The following ITFG1 variants were observed in gnomAD, a reference collection of about 807,000 sequenced individuals.
The protein encoded by ITFG1 is integrin alpha FG-GAP repeat containing 1.
ITFG1 carries 34 observed loss-of-function variants against 81.8 expected under a neutral mutation model. The ratio of observed to expected loss-of-function variants is 0.42; its 90% confidence interval spans 0.32 to 0.55. The LOEUF (loss-of-function observed/expected upper bound fraction) is 0.55. Ranked by LOEUF, ITFG1 falls within the 20% of genes least tolerant of loss-of-function variation. ITFG1 has a pLI of 0.17. For missense variants in ITFG1, 672 were observed against 755.4 expected, an observed-to-expected ratio of 0.89 and a Z score of 1.29; for synonymous variants, 285 against 270.6, an observed-to-expected ratio of 1.05 and a Z score of -0.52.
intron 10 of ITFG1, among the ~76,000 whole-genome samples, chr16:47,306,761 T>C (rs1967165959): frequency 6.6e-6 from 1 of 151,948 alleles, no homozygotes; most frequent in Non-Finnish European, 1.5e-5. Context: ...TTTGAACCTC[T>C]ACAATACTAA....
At chr16:47,448,500 T>A (rs966810565) in intron 5 of ITFG1, 1 of 152,116 alleles carries the variant, frequency 6.6e-6, no homozygotes, top group Non-Finnish European at 1.5e-5. Context: ...ATGTAAACAG[T>A]GTACGGCAAA....
chr16:47,411,161 T>C (rs908604482), intron 6 of ITFG1, among the ~76,000 whole-genome samples: 1 of 152,170 alleles, frequency 6.6e-6, no homozygotes, highest in Non-Finnish European at 1.5e-5. Flanking sequence ...TGGCTGGCAC[T>C]TGAATGGAGG....
intron 6 of ITFG1, among the ~76,000 whole-genome samples, chr16:47,387,740 C>A (rs961336772): frequency 2.6e-5 from 4 of 152,104 alleles, no homozygotes; most frequent in Admixed American, 1.3e-4. Flanking sequence ...GAAGACTGTG[C>A]ATACTTTTTC....
At chr16:47,250,666 ACCTT>A in intron 12 of ITFG1, among the ~76,000 whole-genome samples, 1 of 152,332 alleles carries the variant, frequency 6.6e-6, no homozygotes, top group Middle Eastern at 3.4e-3. Flanking sequence ...CATATTATTT[ACCTT>A]CCTTAATTCC....
chr16:47,346,051 A>T (rs1172875805), intron 8 of ITFG1, among the ~76,000 whole-genome samples: 1 of 152,174 alleles, frequency 6.6e-6, no homozygotes, highest in Non-Finnish European at 1.5e-5. Context: ...CTTTCCATCC[A>T]ATGGCAGCAA....
chr16:47,287,151 C>T (rs1966872670), intron 10 of ITFG1, among the ~76,000 whole-genome samples: 1 of 152,122 alleles, frequency 6.6e-6, no homozygotes, highest in Admixed American at 6.5e-5. Context: ...GACCCGAAGA[C>T]CATTCTAACT....
intron 6 of ITFG1, among the ~76,000 whole-genome samples, chr16:47,407,389 T>G (rs547909445): frequency 1.3e-5 from 2 of 152,336 alleles, no homozygotes; most frequent in South Asian, 4.1e-4. Flanking sequence ...TCTTCCTCTG[T>G]CACTCAGGCT....
chr16:47,251,910 T>C (rs1166117747), intron 12 of ITFG1, among the ~76,000 whole-genome samples: 2 of 152,214 alleles, frequency 1.3e-5, no homozygotes, highest in Non-Finnish European at 1.5e-5. Context: ...CAGTTGACTA[T>C]GGGTAACTAA....
chr16:47,440,518 C>T (rs1204142669), intron 5 of ITFG1, among the ~76,000 whole-genome samples: 2 of 152,148 alleles, frequency 1.3e-5, no homozygotes, highest in South Asian at 2.1e-4. Flanking sequence ...AACTAGAACT[C>T]AGGATTAAGA....
chr16:47,303,172 G>A (rs1967103481), intron 10 of ITFG1, among the ~76,000 whole-genome samples: 1 of 152,104 alleles, frequency 6.6e-6, no homozygotes. Context: ...TCTGGAGGCT[G>A]AGGCAGGAGA....
At chr16:47,421,785 C>T (rs748550071) in intron 6 of ITFG1, among the ~76,000 whole-genome samples, 11 of 152,198 alleles carry the variant, frequency 7.2e-5, no homozygotes, top group Admixed American at 2.6e-4. Context: ...CCCATCAACT[C>T]GTCATTTACA....
intron 10 of ITFG1, among the ~76,000 whole-genome samples, chr16:47,286,470 T>C (rs1158432075): frequency 6.6e-6 from 1 of 151,990 alleles, no homozygotes; most frequent in Non-Finnish European, 1.5e-5. Context: ...TGAAACCCCA[T>C]CTCTACTAAA....
At chr16:47,434,098 T>C (rs1420645727) in intron 5 of ITFG1, among the ~76,000 whole-genome samples, 1 of 150,978 alleles carries the variant, frequency 6.6e-6, no homozygotes, top group Non-Finnish European at 1.5e-5. Context: ...ACCTAAACTA[T>C]AAAAATCCTA....
intron 8 of ITFG1, among the ~76,000 whole-genome samples, chr16:47,338,821 C>A (rs1967743990): frequency 6.6e-6 from 1 of 152,064 alleles, no homozygotes; most frequent in Non-Finnish European, 1.5e-5. Context: ...CACAAACAAT[C>A]CAATTCTACT....
intron 7 of ITFG1, among the ~76,000 whole-genome samples, chr16:47,373,835 A>G (rs1968290253): frequency 6.6e-6 from 1 of 152,184 alleles, no homozygotes; most frequent in African/African-American, 2.4e-5. Flanking sequence ...ATGTGGTTTT[A>G]TAGGTTTTGA....
intron 8 of ITFG1, among the ~76,000 whole-genome samples, chr16:47,349,146 C>T (rs1321969738): frequency 6.6e-6 from 1 of 152,178 alleles, no homozygotes; most frequent in Non-Finnish European, 1.5e-5. Context: ...GAAGAAACTG[C>T]ATCAACTAAT....
intron 8 of ITFG1, among the ~76,000 whole-genome samples, chr16:47,342,870 G>A (rs950655967): frequency 1.2e-4 from 18 of 152,210 alleles, no homozygotes; most frequent in African/African-American, 3.4e-4. Context: ...TAAATGGAAA[G>A]TCTGTATTCA....
At chr16:47,409,392 A>T (rs1968773608) in intron 6 of ITFG1, among the ~76,000 whole-genome samples, 1 of 15,466 alleles carries the variant, frequency 6.5e-5, no homozygotes, top group African/African-American at 3.3e-4. Context: ...ATATATATAT[A>T]TATATATATA....
At chr16:47,232,864 C>T (rs560054470) in intron 13 of ITFG1, among the ~76,000 whole-genome samples, 2 of 152,124 alleles carry the variant, frequency 1.3e-5, no homozygotes, top group South Asian at 4.2e-4. Flanking sequence ...TGGTCTCAAA[C>T]TCCTGGGCTC....
Sources: allele counts gnomAD v4.1 joint callset (sites outside exome capture counted in the v4.1 genomes callset), GRCh38; gene constraint gnomAD v4.1.1; transcripts MANE v1.5; gene names NCBI Gene and HGNC (gene_info 2026-07-23, HGNC 2026-07-21).